The following RTCB variants were observed in gnomAD, a reference collection of about 807,000 sequenced individuals.
RTCB encodes the protein RNA-splicing ligase RTCB.
RTCB carries 32 observed loss-of-function variants against 58.2 expected under a neutral mutation model. The ratio of observed to expected loss-of-function variants is 0.55; its 90% CI spans 0.41 to 0.74. The LOEUF (loss-of-function observed/expected upper bound fraction) is 0.74, where lower values mean the gene tolerates loss of function less well. RTCB is among the 30% of genes least tolerant of loss of function. The pLI, the probability that RTCB is intolerant of heterozygous loss-of-function variation, is 0.00. For synonymous variants in RTCB, 247 were observed against 218.6 expected (o/e 1.13, Z -1.15); for missense variants, 523 against 639.0 (o/e 0.82, Z 1.96).
At chr22:32,394,765 C>T (rs1036736070) in intron 9 of RTCB, among the ~76,000 whole-genome samples, 1 of 152,048 alleles carries the variant, frequency 6.6e-6, no homozygotes, top group Non-Finnish European at 1.5e-5. Flanking sequence ...TCCTGTCTTC[C>T]ACTAATTCAA....
At chr22:32,389,845 T>G (rs532091511) in intron 11 of RTCB, among the ~76,000 whole-genome samples, 4 of 152,334 alleles carry the variant, frequency 2.6e-5, no homozygotes, top group Non-Finnish European at 5.9e-5. Flanking sequence ...TTTTTTCATT[T>G]TAATCAGAGT....
At chr22:32,394,407 G>A (rs774839972) in intron 9 of RTCB, among the ~76,000 whole-genome samples, 13 of 151,784 alleles carry the variant, frequency 8.6e-5, no homozygotes, top group Non-Finnish European at 1.8e-4. Context: ...CACCACACCC[G>A]GCCGGAGAAA....
intron 1 of RTCB, among the ~76,000 whole-genome samples, chr22:32,411,435 G>A (rs1028495124): frequency 2.6e-5 from 4 of 152,108 alleles, no homozygotes; most frequent in African/African-American, 9.7e-5. Context: ...GAAGTAAACC[G>A]GACATCAAGT....
Position 32,393,892 on chromosome 22 carries a change from C to T in RTCB, c.1290G>A (p.Ala430=), listed in dbSNP as rs367604621. ...TETFGTTCHG[A]GRALSRAKSR... ...CTAAGGAAGTTTCTGTTTTCCTTACCGCTCCATGACAGGTTGTTCCAAAGG... is the reference window on the plus strand; with the variant it reads ...CTAAGGAAGTTTCTGTTTTCCTTACTGCTCCATGACAGGTTGTTCCAAAGG... The change falls in exon 10 of 12, where the codon GCG becomes GCA. Residue 430 remains alanine (A), a splice_region_variant and synonymous_variant. Coordinates refer to ENST00000216038, the MANE Select transcript of RTCB (RefSeq NM_014306.5). 26 of 1,606,060 alleles carry T rather than the reference C, an allele frequency of 1.6e-5. No individual in the cohort carries two copies. Among genetic ancestry groups the T allele is most frequent in the African/African-American group, 4.0e-5 (3 of 74,764 alleles).
At chr22:32,403,434 A>G (rs573945720) in intron 4 of RTCB, among the ~76,000 whole-genome samples, 3 of 152,266 alleles carry the variant, frequency 2.0e-5, no homozygotes, top group Admixed American at 1.3e-4. Flanking sequence ...AAACCTGTAT[A>G]TATTTAGGTG....
rs1203221519 is a variant in RTCB, at chr22:32,408,752, T to C, written c.172+3A>G. The C allele has an allele frequency of 6.2e-7, 1 of 1,610,620 alleles. No individual in the cohort carries two copies. Among genetic ancestry groups the C allele is most frequent in the African/African-American group, 1.3e-5 (1 of 74,868 alleles). ...AACACAAGTGAAACTCTAATGTACT[T>C]ACCACCACCTCGACAGGCATTCCTT... On this transcript the variant is annotated splice_donor_region_variant and intron_variant, in intron 2 of 11. Coordinates refer to ENST00000216038, the MANE Select transcript of RTCB (RefSeq NM_014306.5).
chr22:32,393,096 G>A (rs546470927), intron 10 of RTCB, among the ~76,000 whole-genome samples: 2 of 152,144 alleles, frequency 1.3e-5, no homozygotes, highest in African/African-American at 2.4e-5. Flanking sequence ...CACCACACCC[G>A]GCTAATTTAA....
At chr22:32,408,328 G>T in intron 2 of RTCB, 86 bp from the exon 3 acceptor site, 1 of 1,067,414 alleles carries the variant, frequency 9.4e-7, no homozygotes, top group Non-Finnish European at 1.4e-6. Flanking sequence ...TGTATAACGT[G>T]AAGAGGTAGT....
intron 1 of RTCB, among the ~76,000 whole-genome samples, chr22:32,409,244 T>A (rs761414391): frequency 6.6e-6 from 1 of 151,868 alleles, no homozygotes; most frequent in Non-Finnish European, 1.5e-5. Flanking sequence ...ATTCTAAACA[T>A]AAAACGTAGT....
chr22:32,399,602 C>T lies in RTCB; in HGVS notation c.654+1G>A. 6.2e-7 allele frequency: 1 copy of T among 1,609,138 alleles called. No individual in the cohort carries two copies. Among genetic ancestry groups the T allele is most frequent in the South Asian group, 1.1e-5 (1 of 90,248 alleles). On this transcript the variant is annotated splice_donor_variant, in intron 6 of 11. Transcript: ENST00000216038. LOFTEE classifies it high-confidence loss of function. ...CATGTTGCCCCTCCAAAGTGAGTTA[C>T]CTGAGGAAGGCCTCTTTTCTTCGCC...
At chr22:32,408,049 G>A (rs1933457593) in intron 3 of RTCB, 126 bp downstream of exon 3, 1 of 836,366 alleles carries the variant, frequency 1.2e-6, no homozygotes, top group Middle Eastern at 2.7e-4. Context: ...ACTGAGCCTG[G>A]CTTCATGGTT....
At chr22:32,402,628 T>C (rs1643026551) in intron 4 of RTCB, among the ~76,000 whole-genome samples, 1 of 132,648 alleles carries the variant, frequency 7.5e-6, no homozygotes, top group Non-Finnish European at 1.6e-5. Flanking sequence ...TTCTTTTATT[T>C]TTAGTAGAGA....
At chr22:32,391,680 C>T (rs1016079137) in intron 11 of RTCB, among the ~76,000 whole-genome samples, 2 of 152,154 alleles carry the variant, frequency 1.3e-5, no homozygotes, top group African/African-American at 4.8e-5. Flanking sequence ...CGTGAGCCAC[C>T]ACGCCCGGCC....
At chr22:32,395,981 T>G (rs1933239367) in intron 8 of RTCB, 93 bp downstream of exon 8, 2 of 1,304,064 alleles carry the variant, frequency 1.5e-6, no homozygotes, top group Non-Finnish European at 2.2e-6. Flanking sequence ...ATTACAGGCA[T>G]GAGCCACCGT....
In RTCB at chr22:32,398,010, C is replaced by T. The variant is rs895945236; in HGVS notation, c.745G>A (p.Asp249Asn). The change falls in exon 7 of 12, where the codon GAC becomes AAC. Residue 249 changes from aspartate to asparagine, a missense_variant. By Grantham distance (23) the Asp-to-Asn change is conservative. Transcript: ENST00000216038. ...ATCACACACACCTGTCCCTTATGGT[C>T]GATGCCCATTTTTTTAGCAGCATAC... ...NEYAAKKMGI[D>N]HKGQVCVMIH... 6.2e-6 allele frequency: 10 copies of T among 1,614,134 alleles called. No homozygotes were observed. Among genetic ancestry groups the T allele is most frequent in the Non-Finnish European group, 7.6e-6 (9 of 1,180,024 alleles).
chr22:32,392,235 C>G lies in RTCB; in HGVS notation c.1410+5G>C. 6.2e-7 allele frequency: 1 copy of G among 1,605,970 alleles called. No individual in the cohort carries two copies. Among genetic ancestry groups the G allele is most frequent in the Non-Finnish European group, 8.5e-7 (1 of 1,176,558 alleles). On this transcript the variant is annotated splice_donor_5th_base_variant and intron_variant, in intron 11 of 11. Transcript: ENST00000216038. ...TATTCATGTATTTATCAAAATTTCA[C>G]TTACCTCTTCCATAACCAGTTTGGG... is the stretch of plus-strand genomic sequence containing the variant.
chr22:32,399,611 G>C lies in RTCB; in HGVS notation c.646C>G (p.Leu216Val). The part of the protein sequence containing the change: ...KVSARAKKRG[L>V]PQLGTLGAGN... Reference sequence around the variant, plus strand: ...CCTCCAAAGTGAGTTACCTGAGGAAGGCCTCTTTTCTTCGCCCTTGCAGAA... The same window carrying C: ...CCTCCAAAGTGAGTTACCTGAGGAACGCCTCTTTTCTTCGCCCTTGCAGAA... The change falls in exon 6 of 12, where the codon CTT becomes GTT. Residue 216 changes from leucine (L) to valine (V), a missense_variant. Physicochemically the swap from Leu to Val is conservative, Grantham distance 32 (BLOSUM62 1). Around this residue, in one of 3 missense-constraint regions of RTCB, gnomAD observed 141 missense variants for 216.7 expected, o/e 0.65. Coordinates refer to ENST00000216038, the MANE Select transcript of RTCB (RefSeq NM_014306.5). 6.2e-7 allele frequency: 1 copy of C among 1,611,566 alleles called. No homozygotes were observed. Among genetic ancestry groups the C allele is most frequent in the Non-Finnish European group, 8.5e-7 (1 of 1,178,636 alleles).
intron 4 of RTCB, among the ~76,000 whole-genome samples, chr22:32,403,817 T>C (rs1296088844): frequency 6.6e-6 from 1 of 152,252 alleles, no homozygotes; most frequent in Non-Finnish European, 1.5e-5. Context: ...TTTCCAGAAC[T>C]CATTCATCTT....
intron 10 of RTCB, 51 bp downstream of exon 10, chr22:32,393,841 C>G: frequency 7.8e-7 from 1 of 1,287,654 alleles, no homozygotes. Context: ...AAATGGAAAA[C>G]CATAGCTAAA....
Sources: allele counts gnomAD v4.1 joint callset (sites outside exome capture counted in the v4.1 genomes callset), GRCh38; gene constraint gnomAD v4.1.1; regional missense constraint gnomAD v4.1.1; transcripts MANE v1.5; gene names NCBI Gene and HGNC (gene_info 2026-07-23, HGNC 2026-07-21).